Variants in ZDHHC11B observed in about 807,000 individuals in gnomAD.
The protein encoded by ZDHHC11B is zDHHC palmitoyltransferase 11B (putative).
In ZDHHC11B, 17 loss-of-function variants were observed where a neutral mutation model predicts 42.3. The observed-to-expected ratio is 0.40, with a 90% CI of 0.27 to 0.60. The LOEUF (loss-of-function observed/expected upper bound fraction) is 0.60. Among genes scored for constraint, ZDHHC11B ranks in the 20% least tolerant of loss-of-function variants. The probability of loss-of-function intolerance (pLI) is 0.41; values close to 1 mark genes in which losing one functional copy is unlikely to be tolerated. For synonymous variants in ZDHHC11B, 123 were observed against 193.5 expected (o/e 0.64, Z 3.02); for missense variants, 262 against 463.2 (o/e 0.57, Z 3.99).
Position 733,881 on chromosome 5 carries a change from G to C in ZDHHC11B, c.936-42C>G, listed in dbSNP as rs753575586. Reference sequence around the variant, plus strand: ...GAGGAGAGAAACTCATCTCAGCTTTGTGGGGGGGCTCAGGGTGGCACTGGA... The same window carrying C: ...GAGGAGAGAAACTCATCTCAGCTTTCTGGGGGGGCTCAGGGTGGCACTGGA... On this transcript the variant is annotated intron_variant, in intron 10 of 13. Transcript: ENST00000508859. 1.9e-6 allele frequency: 3 copies of C among 1,554,508 alleles called. No homozygotes were observed. The Admixed American group carries it at 5.1e-5, about 26-fold the overall frequency.
chr5:740,077 C>T (rs1435064019), intron 10 of ZDHHC11B, among the ~76,000 whole-genome samples: 3 of 145,654 alleles, frequency 2.1e-5, no homozygotes, highest in Admixed American at 6.9e-5. Context: ...AGCTAAGCTA[C>T]GAGGATGCAA....
intron 11 of ZDHHC11B, among the ~76,000 whole-genome samples, chr5:731,641 T>C (rs1272467658): frequency 6.6e-6 from 1 of 151,948 alleles, no homozygotes; most frequent in African/African-American, 2.4e-5. Flanking sequence ...ATATTTTATT[T>C]CAGCCTGTGG....
chr5:714,917 C>G lies in ZDHHC11B; in HGVS notation c.*7+1884G>C, dbSNP rs3882430. 2.5e-3 allele frequency among the ~76,000 whole-genome samples: 381 copies of G among 151,228 alleles called. 11 individuals are homozygous for G. Among genetic ancestry groups the G allele is most frequent in the African/African-American group, 8.7e-3 (356 of 40,768 alleles). On this transcript the variant is annotated intron_variant, in intron 13 of 13. Coordinates refer to ENST00000508859, the MANE Select transcript of ZDHHC11B (RefSeq NM_001351303.2). ...ATGCTCTAGTACTTCTTGCTCTAACCAACCCATGAGACCTTGTTGTTGAAA... is the reference window on the plus strand; with the variant it reads ...ATGCTCTAGTACTTCTTGCTCTAACGAACCCATGAGACCTTGTTGTTGAAA...
At chr5:766,560 G>A in intron 4 of ZDHHC11B, 138 bp downstream of exon 4, 2 of 1,014,730 alleles carry the variant, frequency 2.0e-6, no homozygotes, top group Non-Finnish European at 2.9e-6. Context: ...CCCACCTGCA[G>A]GCTCGGGGGA....
At chr5:765,667 C>A (rs1735199125) in intron 4 of ZDHHC11B, among the ~76,000 whole-genome samples, 1 of 151,902 alleles carries the variant, frequency 6.6e-6, no homozygotes, top group Non-Finnish European at 1.5e-5. Context: ...CTTGCTGCTG[C>A]TCACTCTTTG....
At chr5:763,373 G>GAA (rs398108502) in intron 4 of ZDHHC11B, among the ~76,000 whole-genome samples, 23 of 128,506 alleles carry the variant, frequency 1.8e-4, no homozygotes, top group Admixed American at 6.3e-4. Context: ...CCCATCTCGG[G>GAA]AAAAAAAAAA....
intron 12 of ZDHHC11B, among the ~76,000 whole-genome samples, chr5:723,056 C>T (rs761452684): frequency 4.6e-5 from 7 of 150,726 alleles, no homozygotes; most frequent in East Asian, 3.9e-4. Flanking sequence ...AGAGCATGAG[C>T]GGGGTGCAAG....
intron 12 of ZDHHC11B, among the ~76,000 whole-genome samples, chr5:720,735 T>C (rs1742120325): frequency 6.6e-6 from 1 of 151,626 alleles, no homozygotes; most frequent in South Asian, 2.1e-4. Context: ...GGGTGCACAC[T>C]GTATAAAAAT....
chr5:747,532 A>C (rs1475989584), intron 8 of ZDHHC11B: 2 of 146,558 alleles, frequency 1.4e-5, no homozygotes, highest in Non-Finnish European at 3.0e-5. Context: ...ATGAACAAGG[A>C]GGCTCTTGGT....
intron 1 of ZDHHC11B, among the ~76,000 whole-genome samples, chr5:777,278 C>T (rs1034838178): frequency 1.3e-5 from 2 of 151,838 alleles, no homozygotes; most frequent in Non-Finnish European, 2.9e-5. Context: ...CATTCCTTCC[C>T]GTGGGTTCCT....
chr5:742,674 C>A (rs1285153250), intron 9 of ZDHHC11B, among the ~76,000 whole-genome samples: 2 of 149,910 alleles, frequency 1.3e-5, no homozygotes. Flanking sequence ...GTAAACGTAA[C>A]TTTTATAAGC....
At chr5:770,789 T>G (rs1198702952) in intron 1 of ZDHHC11B, among the ~76,000 whole-genome samples, 3 of 151,920 alleles carry the variant, frequency 2.0e-5, no homozygotes, top group African/African-American at 7.2e-5. Flanking sequence ...GAGGCAGTGC[T>G]GGGGGCACCG....
rs1222827810 is a variant in ZDHHC11B at position 714,417 on chromosome 5, G to A, written c.*8-2135C>T. Among the ~76,000 whole-genome samples the A allele has an allele frequency of 3.5e-5, 5 of 144,758 alleles. No individual in the cohort carries two copies. In the South Asian group the frequency reaches 8.7e-4, roughly 25 times the overall value. The allele number at this position is 144,758 out of a possible 152,430, so 95.0% of individuals were successfully genotyped here. ...AGGTGTAATACTGAAGAAGTGTTTT[G>A]TGTGCTCTACAGTAATTCACAACTC... On this transcript the variant is annotated intron_variant, in intron 13 of 13. Coordinates refer to ENST00000508859, the MANE Select transcript of ZDHHC11B (RefSeq NM_001351303.2).
At chr5:744,701 T>A (rs1301407000) in intron 9 of ZDHHC11B, among the ~76,000 whole-genome samples, 8 of 147,962 alleles carry the variant, frequency 5.4e-5, no homozygotes, top group African/African-American at 2.0e-4. Flanking sequence ...CAAAACCACG[T>A]CTCTACTAAA....
intron 11 of ZDHHC11B, among the ~76,000 whole-genome samples, chr5:733,547 G>C (rs1273202696): frequency 6.6e-6 from 1 of 151,436 alleles, no homozygotes; most frequent in African/African-American, 2.4e-5. Flanking sequence ...ATCTGTCTCT[G>C]TCACCCACAG....
At chr5:749,577 A>T (rs1745336422) in intron 7 of ZDHHC11B, among the ~76,000 whole-genome samples, 1 of 130,120 alleles carries the variant, frequency 7.7e-6, no homozygotes, top group African/African-American at 2.5e-5. Context: ...GAGAACAAGG[A>T]GCTGCTTTGC....
chr5:726,183 A>G (rs1742591651), intron 12 of ZDHHC11B, among the ~76,000 whole-genome samples: 1 of 151,562 alleles, frequency 6.6e-6, no homozygotes, highest in Admixed American at 6.6e-5. Context: ...GTGATTAGCA[A>G]CATCACACCT....
In ZDHHC11B at chr5:745,267, G is replaced by C. The variant is rs759141089; in HGVS notation, c.816C>G (p.Leu272=). ...KAKKMTTFEY[L]INTRKEESSK... is the part of the protein sequence containing the mutation. ...AACTCTCTTCTTTGCGGGTATTAATGAGATACTCAAAGGTGGTCATCTTCT... is the reference window on the plus strand; with the variant it reads ...AACTCTCTTCTTTGCGGGTATTAATCAGATACTCAAAGGTGGTCATCTTCT... The change falls in exon 9 of 14, where the codon CTC becomes CTG. Residue 272 remains leucine, a synonymous_variant. Transcript: ENST00000508859. 1.5e-5 allele frequency: 24 copies of C among 1,609,226 alleles called. 1 individual carries two copies. In the Admixed American group the frequency reaches 2.4e-4, roughly 16 times the overall value.
intron 1 of ZDHHC11B, among the ~76,000 whole-genome samples, chr5:781,032 G>A (rs1256103355): frequency 6.8e-6 from 1 of 147,524 alleles, no homozygotes; most frequent in East Asian, 2.2e-4. Context: ...GCTGGCTGGG[G>A]CCTGGACATG....
Sources: allele counts gnomAD v4.1 joint callset (sites outside exome capture counted in the v4.1 genomes callset), GRCh38; gene constraint gnomAD v4.1.1; transcripts MANE v1.5; gene names NCBI Gene and HGNC (gene_info 2026-07-23, HGNC 2026-07-21).